The following LRRTM4 variants were observed in gnomAD, a reference collection of about 807,000 sequenced individuals.
LRRTM4 encodes the protein leucine-rich repeat transmembrane neuronal protein 4.
In LRRTM4, 25 loss-of-function variants were observed where a neutral mutation model predicts 47.6. The observed-to-expected ratio is 0.53, with a 90% CI of 0.38 to 0.73. LRRTM4 has a LOEUF of 0.73. Ranked by LOEUF, LRRTM4 falls within the 30% of genes least tolerant of loss-of-function variation. The pLI is 0.00. For synonymous variants in LRRTM4, 311 were observed against 269.5 expected (o/e 1.15, Z -1.51); for missense variants, 638 against 713.4 (o/e 0.89, Z 1.20).
At chr2:77,360,481 C>CGATAT in intron 3 of LRRTM4, among the ~76,000 whole-genome samples, 1 of 19,600 alleles carries the variant, frequency 5.1e-5, no homozygotes, top group East Asian at 8.2e-4. Flanking sequence ...CGATATGATA[C>CGATAT]GATACGATAC....
chr2:77,424,818 T>C (rs139598545), intron 3 of LRRTM4, among the ~76,000 whole-genome samples: 5 of 152,322 alleles, frequency 3.3e-5, no homozygotes, highest in African/African-American at 1.2e-4. Context: ...AGTTATACTA[T>C]ATTTGGCTAT....
chr2:77,019,093 C>G (rs145930751), intron 3 of LRRTM4, among the ~76,000 whole-genome samples: 80 of 151,924 alleles, frequency 5.3e-4, no homozygotes, highest in African/African-American at 1.8e-3. Context: ...CTTCACAGTG[C>G]TATATGAAAA....
intron 3 of LRRTM4, among the ~76,000 whole-genome samples, chr2:76,808,988 G>C (rs1470758104): frequency 6.6e-6 from 1 of 152,158 alleles, no homozygotes; most frequent in Non-Finnish European, 1.5e-5. Context: ...GATGCTTAGA[G>C]TGATTTTCAA....
intron 3 of LRRTM4, among the ~76,000 whole-genome samples, chr2:77,308,066 C>CTA (rs1349724873): frequency 2.9e-5 from 4 of 138,640 alleles, no homozygotes; most frequent in East Asian, 2.1e-4. Flanking sequence ...ATCTATATAT[C>CTA]TATATAACAT....
chr2:77,367,641 T>C (rs1672511536), intron 3 of LRRTM4, among the ~76,000 whole-genome samples: 1 of 151,878 alleles, frequency 6.6e-6, no homozygotes, highest in Non-Finnish European at 1.5e-5. Context: ...ATATTTCTGT[T>C]TCCAGGTATC....
intron 3 of LRRTM4, among the ~76,000 whole-genome samples, chr2:77,052,623 T>G (rs1679476617): frequency 6.6e-6 from 1 of 152,136 alleles, no homozygotes; most frequent in African/African-American, 2.4e-5. Flanking sequence ...TACCATATTT[T>G]ATAATAGGTT....
chr2:77,182,234 T>C (rs1573047376), intron 3 of LRRTM4, among the ~76,000 whole-genome samples: 1 of 152,280 alleles, frequency 6.6e-6, no homozygotes, highest in South Asian at 2.1e-4. Flanking sequence ...TGGAATACTA[T>C]GCAGCCATAA....
chr2:77,071,336 G>A (rs1044754534), intron 3 of LRRTM4, among the ~76,000 whole-genome samples: 1 of 151,934 alleles, frequency 6.6e-6, no homozygotes, highest in African/African-American at 2.4e-5. Flanking sequence ...TTTTGTTATG[G>A]TTATCCAGAG....
chr2:76,802,079 T>G (rs1675726092), intron 3 of LRRTM4, among the ~76,000 whole-genome samples: 1 of 152,110 alleles, frequency 6.6e-6, no homozygotes, highest in Non-Finnish European at 1.5e-5. Flanking sequence ...GGATGCCCAC[T>G]ATTGCCACTT....
intron 3 of LRRTM4, among the ~76,000 whole-genome samples, chr2:76,988,661 A>G (rs1016795827): frequency 6.6e-6 from 1 of 151,810 alleles, no homozygotes; most frequent in African/African-American, 2.4e-5. Flanking sequence ...ATTACATTGC[A>G]TATATTATAG....
intron 3 of LRRTM4, among the ~76,000 whole-genome samples, chr2:77,213,285 C>T (rs1295259809): frequency 6.6e-6 from 1 of 152,102 alleles, no homozygotes; most frequent in East Asian, 1.9e-4. Context: ...CAGCAAATTT[C>T]ATGGCAGTGC....
chr2:76,895,925 G>T (rs1235863539), intron 3 of LRRTM4, among the ~76,000 whole-genome samples: 1 of 151,946 alleles, frequency 6.6e-6, no homozygotes, highest in Non-Finnish European at 1.5e-5. Flanking sequence ...GTGGAAGGTG[G>T]TGGAACCTCA....
chr2:77,131,214 A>G (rs1175513593), intron 3 of LRRTM4, among the ~76,000 whole-genome samples: 3 of 152,204 alleles, frequency 2.0e-5, no homozygotes, highest in Non-Finnish European at 4.4e-5. Flanking sequence ...GTGCTAAACA[A>G]AGCCGCAAGT....
At position 76,889,987 on chromosome 2, in the gene LRRTM4, G is replaced by A. The variant is rs1441930917; in HGVS notation, c.1552-141071C>T. The stretch of plus-strand genomic sequence containing the variant: ...TTGTAGATGTATGAGTGCAGTGCAG[G>A]GATATACATAGAGTTCTGTCATTCT... On this transcript the variant is annotated intron_variant, in intron 3 of 3. Coordinates refer to ENST00000409884, the MANE Select transcript of LRRTM4 (RefSeq NM_001134745.3). Among the ~76,000 whole-genome samples the A allele has an allele frequency of 2.0e-5, 3 of 151,806 alleles. No homozygotes were observed. In the East Asian group the frequency reaches 5.8e-4, roughly 29 times the overall value.
intron 3 of LRRTM4, among the ~76,000 whole-genome samples, chr2:76,977,644 A>T (rs1676464277): frequency 6.6e-6 from 1 of 151,966 alleles, no homozygotes; most frequent in African/African-American, 2.4e-5. Context: ...CCACACAGTC[A>T]TAACTCACTG....
intron 3 of LRRTM4, among the ~76,000 whole-genome samples, chr2:77,266,023 G>T: frequency 6.6e-6 from 1 of 152,132 alleles, no homozygotes; most frequent in East Asian, 1.9e-4. Flanking sequence ...GCCAAATTTG[G>T]TCTGCCACCT....
chr2:76,943,436 A>G lies in LRRTM4; in HGVS notation c.1552-194520T>C, dbSNP rs1398423974. 2.0e-5 allele frequency among the ~76,000 whole-genome samples: 3 copies of G among 152,298 alleles called. No homozygotes were observed. The East Asian group carries it at 5.8e-4, about 29-fold the overall frequency. On this transcript the variant is annotated intron_variant, in intron 3 of 3. Transcript: ENST00000409884. ...GGCAACAAAGCAAAACTCCGTCTCA[A>G]AACAAAAAAATAAATTAATTAAATA...
At chr2:77,349,759 C>A (rs1388817891) in intron 3 of LRRTM4, among the ~76,000 whole-genome samples, 1 of 151,996 alleles carries the variant, frequency 6.6e-6, no homozygotes. Flanking sequence ...AGAATACACA[C>A]AAATAAATTT....
intron 3 of LRRTM4, among the ~76,000 whole-genome samples, chr2:77,491,177 T>A (rs1678148410): frequency 1.3e-5 from 2 of 152,036 alleles, no homozygotes; most frequent in Admixed American, 1.3e-4. Context: ...AAGTCTACAT[T>A]AAATAACCTG....
Sources: gnomAD v4.1 joint callset for allele counts (sites outside exome capture counted in the v4.1 genomes callset) on GRCh38, gnomAD v4.1.1 for gene constraint, MANE v1.5 for transcripts, NCBI Gene and HGNC (gene_info 2026-07-23, HGNC 2026-07-21) for gene names.